BTD: variants seen among roughly 807,000 people sequenced by gnomAD.
The protein encoded by BTD is biocytinase.
A neutral mutation model predicts 17.7 loss-of-function variants in BTD; 13 were observed. The observed-to-expected ratio is 0.74, with a 90% CI of 0.48 to 1.17. The LOEUF is 1.17. Among genes scored for constraint, BTD ranks in the 50% most tolerant of loss-of-function variants. The probability of loss-of-function intolerance (pLI) is 0.00; values close to 1 mark genes in which losing one functional copy is unlikely to be tolerated. For synonymous variants in BTD, 240 were observed against 245.2 expected (o/e 0.98, Z 0.20); for missense variants, 674 against 650.4 (o/e 1.04, Z -0.39).
intron 3 of BTD, chr3:15,696,149 A>T: frequency 1.3e-6 from 2 of 1,581,982 alleles, no homozygotes; most frequent in Non-Finnish European, 1.7e-6. Context: ...GAAGACATAG[A>T]CGGTGACCAT....
chr3:15,629,504 G>A (rs949307678), intron 1 of BTD, among the ~76,000 whole-genome samples: 6 of 152,136 alleles, frequency 3.9e-5, no homozygotes, highest in African/African-American at 9.7e-5. Context: ...CCCCTGCAGC[G>A]TATTGAAGAC....
rs2065709012 is a variant in BTD at position 15,647,009 on chromosome 3, C to A, written c.*1521C>A. 6.6e-6 allele frequency: 1 copy of A among 152,332 alleles called. No individual in the cohort carries two copies. The highest frequency in any genetic ancestry group is 2.4e-5 in the African/African-American group (1 of 41,564). The allele number at this position is 152,332 out of a possible 1,614,324, so 9.4% of individuals were successfully genotyped here. A position where few individuals can be genotyped will look rare whatever the true frequency, so the allele number is the denominator to read the frequency against. On this transcript the variant is annotated 3_prime_UTR_variant, in exon 4 of 4. Transcript: ENST00000643237. ...ATAAACCATGTGGGAAAAAGCAGAG[C>A]CAGCACCAGCCCCTGCTGACTCACT...
At chr3:15,605,916 G>A (rs2064436037) in intron 1 of BTD, among the ~76,000 whole-genome samples, 1 of 152,066 alleles carries the variant, frequency 6.6e-6, no homozygotes, top group Non-Finnish European at 1.5e-5. Context: ...GGTGGCACAT[G>A]CCTGTAATCC....
intron 3 of BTD, among the ~76,000 whole-genome samples, chr3:15,658,741 C>G (rs2065895127): frequency 6.6e-6 from 1 of 152,204 alleles, no homozygotes; most frequent in Non-Finnish European, 1.5e-5. Context: ...GCTCTCCAAT[C>G]TGTATTCAAT....
chr3:15,694,827 G>C (rs897145799), intron 3 of BTD: 2 of 1,611,808 alleles, frequency 1.2e-6, no homozygotes, highest in Non-Finnish European at 1.7e-6. Context: ...AAAAAGAAGA[G>C]GCATTTTAAA....
chr3:15,710,996 T>G (rs902828653), exon 4 of BTD, among the ~76,000 whole-genome samples: 1 of 152,162 alleles, frequency 6.6e-6, no homozygotes, highest in Non-Finnish European at 1.5e-5. Context: ...TTTTGTAGGT[T>G]TATTCTCTCT....
chr3:15,622,444 G>T (rs2064973748), intron 1 of BTD, among the ~76,000 whole-genome samples: 1 of 152,176 alleles, frequency 6.6e-6, no homozygotes, highest in Non-Finnish European at 1.5e-5. Context: ...TTTTAAATCT[G>T]TTAAGTTGTG....
intron 3 of BTD, among the ~76,000 whole-genome samples, chr3:15,695,410 G>A (rs1474105702): frequency 2.0e-5 from 3 of 152,100 alleles, no homozygotes; most frequent in South Asian, 2.1e-4. Flanking sequence ...AAATTTTGGT[G>A]TGAATATCCA....
chr3:15,628,780 C>T (rs1237791818), intron 1 of BTD, among the ~76,000 whole-genome samples: 5 of 152,150 alleles, frequency 3.3e-5, no homozygotes, highest in African/African-American at 1.2e-4. Context: ...AGTTCATTTT[C>T]GACCACCGAA....
At chr3:15,642,796 T>C (rs2065558979) in intron 3 of BTD, among the ~76,000 whole-genome samples, 1 of 152,134 alleles carries the variant, frequency 6.6e-6, no homozygotes, top group Non-Finnish European at 1.5e-5. Context: ...TATATGCTTA[T>C]TCATTTTAAA....
At chr3:15,678,649 C>A (rs1258152080) in intron 3 of BTD, among the ~76,000 whole-genome samples, 1 of 152,078 alleles carries the variant, frequency 6.6e-6, no homozygotes, top group Non-Finnish European at 1.5e-5. Flanking sequence ...AGAAATAAAT[C>A]CTAATCTGAA....
intron 1 of BTD, among the ~76,000 whole-genome samples, chr3:15,609,251 T>A (rs2064546392): frequency 6.6e-6 from 1 of 152,206 alleles, no homozygotes; most frequent in African/African-American, 2.4e-5. Context: ...ACCCAGCCCC[T>A]GGCTTAAGAA....
intron 3 of BTD, among the ~76,000 whole-genome samples, chr3:15,706,569 T>C (rs1172405801): frequency 3.3e-5 from 5 of 152,198 alleles, no homozygotes; most frequent in Non-Finnish European, 1.5e-5. Context: ...TGTGTCTTTA[T>C]AGCAGCATGA....
At chr3:15,683,367 T>C (rs1205019917) in intron 3 of BTD, among the ~76,000 whole-genome samples, 1 of 152,202 alleles carries the variant, frequency 6.6e-6, no homozygotes, top group Non-Finnish European at 1.5e-5. Context: ...CAAACATCAA[T>C]GGCAAAATAC....
In BTD at chr3:15,635,983, A is replaced by G. The variant is rs1184134784; in HGVS notation, c.249+295A>G. Among the ~76,000 whole-genome samples the G allele has an allele frequency of 6.6e-6, 1 of 152,174 alleles. No individual in the cohort carries two copies. The highest frequency in any genetic ancestry group is 1.5e-5 in the Non-Finnish European group (1 of 68,016). ...CCCCAGGTGATGCTTTCACATGGCA[A>G]GTATGAGAAGCCCAGGACTAGATCC... On this transcript the variant is annotated intron_variant, in intron 2 of 3. Coordinates refer to ENST00000643237, the MANE Select transcript of BTD (RefSeq NM_001370658.1). The surrounding 1 kb of genome is among the most constrained non-coding windows in gnomAD (Gnocchi z 4.1).
At chr3:15,618,552 G>T (rs1007046937) in intron 1 of BTD, among the ~76,000 whole-genome samples, 1 of 151,738 alleles carries the variant, frequency 6.6e-6, no homozygotes, top group Non-Finnish European at 1.5e-5. Context: ...ATTTTTTTGA[G>T]TCTCACTCTG....
intron 3 of BTD, among the ~76,000 whole-genome samples, chr3:15,693,253 T>A (rs928043356): frequency 2.0e-5 from 3 of 152,142 alleles, no homozygotes; most frequent in African/African-American, 7.2e-5. Flanking sequence ...CGTTTTATGC[T>A]ATGTTTTCTT....
intron 3 of BTD, among the ~76,000 whole-genome samples, chr3:15,674,174 CAAAAAAAAAA>C (rs34806568): frequency 0.014 from 558 of 40,286 alleles, 17 homozygotes; most frequent in Middle Eastern, 0.1. Flanking sequence ...CCTGCCTCTT[CAAAAAAAAAA>C]AAAAAAAAAA....
chr3:15,634,284 G>A (rs1195858123), intron 1 of BTD, among the ~76,000 whole-genome samples: 3 of 152,174 alleles, frequency 2.0e-5, no homozygotes, highest in African/African-American at 7.2e-5. Context: ...TTAAAGGGCA[G>A]CAATATGATT....
Sources: allele counts gnomAD v4.1 joint callset (sites outside exome capture counted in the v4.1 genomes callset), GRCh38; gene constraint gnomAD v4.1.1; non-coding constraint Gnocchi (gnomAD v3.1); transcripts MANE v1.5; gene names NCBI Gene and HGNC (gene_info 2026-07-23, HGNC 2026-07-21).